The following ARHGAP10 variants were observed in gnomAD, a reference collection of about 807,000 sequenced individuals.
ARHGAP10 encodes the protein Rho GTPase activating protein 10.
A neutral mutation model predicts 108.6 loss-of-function variants in ARHGAP10; 87 were observed. That is an observed-to-expected ratio of 0.80 (90% CI 0.67 to 0.96). The LOEUF is 0.96. ARHGAP10 is among the 40% of genes least tolerant of loss of function. ARHGAP10 has a pLI of 0.00. For missense variants in ARHGAP10, 939 were observed against 954.5 expected (o/e 0.98, Z 0.21); for synonymous variants, 347 against 341.1 (o/e 1.02, Z -0.19).
intron 13 of ARHGAP10, among the ~76,000 whole-genome samples, chr4:147,934,168 T>G (rs1265121856): frequency 1.3e-5 from 2 of 152,234 alleles, no homozygotes; most frequent in Admixed American, 6.5e-5. Flanking sequence ...GCAAGATTCC[T>G]TTTGGACCCC....
At chr4:147,738,860 T>C (rs1406468816) in intron 1 of ARHGAP10, among the ~76,000 whole-genome samples, 2 of 152,084 alleles carry the variant, frequency 1.3e-5, no homozygotes, top group East Asian at 3.9e-4. Context: ...CAAATTTTGA[T>C]TGTAGTTCGG....
intron 16 of ARHGAP10, among the ~76,000 whole-genome samples, chr4:147,960,276 T>C (rs1306525252): frequency 1.3e-5 from 2 of 152,204 alleles, no homozygotes; most frequent in Non-Finnish European, 2.9e-5. Flanking sequence ...GTGTTATTTA[T>C]GTGCCTTTTA....
intron 1 of ARHGAP10, 149 bp downstream of exon 1, chr4:147,732,604 C>G: frequency 9.0e-7 from 1 of 1,116,832 alleles, no homozygotes; most frequent in South Asian, 1.7e-5. Context: ...CTCTCGGAAC[C>G]CCGGGGGGTC....
intron 1 of ARHGAP10, among the ~76,000 whole-genome samples, chr4:147,746,691 C>T (rs571299711): frequency 6.6e-6 from 1 of 152,182 alleles, no homozygotes; most frequent in East Asian, 1.9e-4. Flanking sequence ...TGCCTGGCAG[C>T]GTGCTTCTTA....
chr4:148,064,297 T>G, intron 21 of ARHGAP10, 119 bp from the exon 22 acceptor site: 1 of 690,062 alleles, frequency 1.4e-6, no homozygotes, highest in Non-Finnish European at 2.5e-6. Context: ...ATTTCTCTTT[T>G]GGGAGGAGTT....
At chr4:147,970,962 G>A (rs568675838) in intron 18 of ARHGAP10, among the ~76,000 whole-genome samples, 8 of 151,998 alleles carry the variant, frequency 5.3e-5, no homozygotes, top group Admixed American at 3.3e-4. Flanking sequence ...GCGTGGTGGC[G>A]GGCACCTGTA....
chr4:147,934,228 A>G (rs1737834350), intron 13 of ARHGAP10, among the ~76,000 whole-genome samples: 1 of 152,210 alleles, frequency 6.6e-6, no homozygotes, highest in South Asian at 2.1e-4. Flanking sequence ...GGCTGTAGCT[A>G]AGTCCCTTGG....
chr4:147,959,942 G>A (rs1259336296), intron 16 of ARHGAP10, among the ~76,000 whole-genome samples: 4 of 152,094 alleles, frequency 2.6e-5, no homozygotes, highest in African/African-American at 9.7e-5. Flanking sequence ...AAGTTAGTAG[G>A]TTTTTAGTGC....
intron 13 of ARHGAP10, among the ~76,000 whole-genome samples, chr4:147,924,747 C>CG (rs5862823): frequency 1.3e-5 from 2 of 152,012 alleles, no homozygotes; most frequent in Admixed American, 6.5e-5. Flanking sequence ...TTAACTCTGC[C>CG]TGTAACCTCT....
intron 8 of ARHGAP10, among the ~76,000 whole-genome samples, chr4:147,878,921 C>T (rs368174104): frequency 5.3e-5 from 8 of 151,976 alleles, no homozygotes; most frequent in African/African-American, 1.7e-4. Flanking sequence ...AGACTATAGG[C>T]GCCTGCCACT....
chr4:148,040,793 T>A (rs540514896), intron 19 of ARHGAP10, among the ~76,000 whole-genome samples: 2 of 150,300 alleles, frequency 1.3e-5, no homozygotes, highest in Admixed American at 1.3e-4. Context: ...AGTTATGTAT[T>A]TTTATTTATT....
chr4:147,900,001 A>G (rs970373892), intron 10 of ARHGAP10, among the ~76,000 whole-genome samples: 4 of 152,094 alleles, frequency 2.6e-5, no homozygotes, highest in African/African-American at 7.2e-5. Flanking sequence ...TCTGTTTACA[A>G]TAATGTCTCC....
intron 6 of ARHGAP10, chr4:147,865,388 A>G (rs1013696667): frequency 6.5e-6 from 1 of 153,230 alleles, no homozygotes. Context: ...CTAAGTTTAG[A>G]AGCAGGATAT....
chr4:147,882,500 G>T (rs934174715), intron 10 of ARHGAP10, among the ~76,000 whole-genome samples: 1 of 151,280 alleles, frequency 6.6e-6, no homozygotes, highest in Non-Finnish European at 1.5e-5. Context: ...TTTCATTGTT[G>T]ATCCAAGCCT....
intron 3 of ARHGAP10, among the ~76,000 whole-genome samples, chr4:147,828,202 T>C (rs1471496284): frequency 2.6e-5 from 4 of 152,240 alleles, no homozygotes; most frequent in Non-Finnish European, 4.4e-5. Context: ...TAATTAAGAC[T>C]GAGTCATTAA....
intron 8 of ARHGAP10, among the ~76,000 whole-genome samples, chr4:147,878,823 C>A (rs1037388733): frequency 2.2e-5 from 3 of 137,770 alleles, no homozygotes; most frequent in African/African-American, 8.6e-5. Context: ...GTTGCCCAGG[C>A]TGGAGCGCAG....
Position 147,822,747 on chromosome 4 carries a change from A to C in ARHGAP10, c.175A>C (p.Lys59Gln), listed in dbSNP as rs1732557417. 2.5e-6 allele frequency: 4 copies of C among 1,614,056 alleles called. No homozygotes were observed. Among genetic ancestry groups the C allele is most frequent in the Admixed American group, 1.7e-5 (1 of 60,002 alleles). ...TCTAGGTCTGTCAGTGGCCCAGCGGAAGTTTGCTCATTCACTCAGAGACTT... is the reference window on the plus strand; with the variant it reads ...TCTAGGTCTGTCAGTGGCCCAGCGGCAGTTTGCTCATTCACTCAGAGACTT... ...ATKSLSVAQR[K>Q]FAHSLRDFKF... is the part of the protein sequence containing the mutation. The change falls in exon 2 of 23, where the codon AAG (lysine) becomes CAG (glutamine). Residue 59 changes from lysine to glutamine, a missense_variant. Lys to Gln is a moderately conservative substitution (Grantham distance 53, BLOSUM62 1). Coordinates refer to ENST00000336498, the MANE Select transcript of ARHGAP10 (RefSeq NM_024605.4).
intron 1 of ARHGAP10, among the ~76,000 whole-genome samples, chr4:147,742,946 C>T (rs2126681507): frequency 6.9e-6 from 1 of 144,938 alleles, no homozygotes; most frequent in Middle Eastern, 3.7e-3. Context: ...GCCAGAAGTA[C>T]AAGGGAATAC....
At chr4:147,739,186 C>CAAAAA (rs59965552) in intron 1 of ARHGAP10, among the ~76,000 whole-genome samples, 2 of 69,920 alleles carry the variant, frequency 2.9e-5, no homozygotes, top group Admixed American at 1.5e-4. Context: ...GACTCTGTCT[C>CAAAAA]AAAAAAAAAA....
Sources: gnomAD v4.1 joint callset for allele counts (sites outside exome capture counted in the v4.1 genomes callset) on GRCh38, gnomAD v4.1.1 for gene constraint, MANE v1.5 for transcripts, NCBI Gene and HGNC (gene_info 2026-07-23, HGNC 2026-07-21) for gene names.